DMTF1: variants seen among roughly 807,000 people sequenced by gnomAD.
DMTF1 encodes the protein cyclin-D-binding Myb-like transcription factor 1.
In DMTF1, 39 loss-of-function variants were observed where a neutral mutation model predicts 91.1. That is an observed-to-expected ratio of 0.43 (90% CI 0.33 to 0.56). DMTF1 has a LOEUF of 0.56. DMTF1 is among the 20% of genes least tolerant of loss of function. DMTF1 has a pLI of 0.05. For synonymous variants in DMTF1, 338 were observed against 309.5 expected (o/e 1.09, Z -0.97); for missense variants, 750 against 914.5 (o/e 0.82, Z 2.32).
chr7:87,191,564 A>G (rs74627040), intron 14 of DMTF1, among the ~76,000 whole-genome samples: 3,049 of 152,284 alleles, frequency 0.02, 121 homozygotes, highest in African/African-American at 0.068. Flanking sequence ...TAGCAACAGA[A>G]AAATGGATAA....
At chr7:87,167,521 GCAAAATCA>G (rs1794102574) in intron 4 of DMTF1, among the ~76,000 whole-genome samples, 1 of 152,170 alleles carries the variant, frequency 6.6e-6, no homozygotes, top group Admixed American at 6.6e-5. Flanking sequence ...TCAGCATCAG[GCAAAATCA>G]CATCTTCATC....
rs756931809 is a variant in DMTF1 at position 87,173,686 on chromosome 7, A to G, written c.442+37A>G. 2.2e-6 allele frequency: 3 copies of G among 1,384,988 alleles called. No individual in the cohort carries two copies. In the African/African-American group the frequency reaches 4.3e-5, roughly 20 times the overall value. The allele number at this position is 1,384,988 out of a possible 1,614,324, so 85.8% of individuals were successfully genotyped here. On this transcript the variant is annotated intron_variant, in intron 6 of 17. Coordinates refer to ENST00000331242, the MANE Select transcript of DMTF1 (RefSeq NM_001142327.2). ...CTGTGAATTTTAGTGCCTAGTGAAAAAAAATGGAGATAGAAAGGGCTTATA... is the reference window on the plus strand; with the variant it reads ...CTGTGAATTTTAGTGCCTAGTGAAAGAAAATGGAGATAGAAAGGGCTTATA...
chr7:87,157,187 G>A (rs1301351004), intron 1 of DMTF1, among the ~76,000 whole-genome samples: 1 of 152,122 alleles, frequency 6.6e-6, no homozygotes, highest in East Asian at 1.9e-4. Flanking sequence ...CTGTTTCTCA[G>A]CCTGTGTTTC....
At chr7:87,161,133 CTTAAATA>C (rs1350555994) in intron 1 of DMTF1, among the ~76,000 whole-genome samples, 1 of 152,020 alleles carries the variant, frequency 6.6e-6, no homozygotes, top group Non-Finnish European at 1.5e-5. Context: ...AGGTCAGTTT[CTTAAATA>C]TTAATAAATG....
chr7:87,166,772 C>T (rs549133652), intron 4 of DMTF1, among the ~76,000 whole-genome samples, 167 bp downstream of exon 4: 35 of 152,156 alleles, frequency 2.3e-4, no homozygotes, highest in African/African-American at 7.7e-4. Context: ...CCAGGCATAT[C>T]GTTAAATACT....
intron 1 of DMTF1, among the ~76,000 whole-genome samples, chr7:87,160,109 ACTC>A (rs1791871984): frequency 6.6e-6 from 1 of 152,108 alleles, no homozygotes; most frequent in Non-Finnish European, 1.5e-5. Flanking sequence ...TAAACTTTCT[ACTC>A]TACTATCACA....
At chr7:87,175,805 A>G (rs554834676) in intron 7 of DMTF1, among the ~76,000 whole-genome samples, 2 of 152,334 alleles carry the variant, frequency 1.3e-5, no homozygotes, top group East Asian at 3.9e-4. Flanking sequence ...ACTAAGATAA[A>G]TAGCCTCTGG....
chr7:87,172,820 G>C (rs192585991), intron 5 of DMTF1, among the ~76,000 whole-genome samples: 1 of 152,328 alleles, frequency 6.6e-6, no homozygotes, highest in East Asian at 1.9e-4. Flanking sequence ...TTCCCCTACA[G>C]GGTTTGTTAG....
chr7:87,189,041 C>G (rs1367664664), intron 13 of DMTF1, among the ~76,000 whole-genome samples: 1 of 152,110 alleles, frequency 6.6e-6, no homozygotes, highest in African/African-American at 2.4e-5. Flanking sequence ...TAGTCTCAAC[C>G]AGGTGATTAT....
intron 1 of DMTF1, among the ~76,000 whole-genome samples, chr7:87,161,315 T>C (rs189062338): frequency 6.6e-6 from 1 of 152,292 alleles, no homozygotes; most frequent in South Asian, 2.1e-4. Context: ...CTGGTCAACA[T>C]GGTGAAACCC....
In DMTF1 at chr7:87,195,156, T is replaced by C. The variant is rs772842492; in HGVS notation, c.*16T>C. On this transcript the variant is annotated 3_prime_UTR_variant, in exon 18 of 18. Transcript: ENST00000331242. ...CTGTCATTAGAATAATTCTTAGAAATAGGCAGTTCAAGCAAAGAAGGCACA... is the reference window on the plus strand; with the variant it reads ...CTGTCATTAGAATAATTCTTAGAAACAGGCAGTTCAAGCAAAGAAGGCACA... The C allele has an allele frequency of 1.9e-6, 3 of 1,570,756 alleles. No homozygotes were observed. Among genetic ancestry groups the C allele is most frequent in the African/African-American group, 1.4e-5 (1 of 73,950 alleles).
At chr7:87,191,497 ATC>A (rs1178236466) in intron 14 of DMTF1, among the ~76,000 whole-genome samples, 7 of 152,176 alleles carry the variant, frequency 4.6e-5, no homozygotes, top group African/African-American at 1.7e-4. Context: ...AAATGAAAAT[ATC>A]TGTCCAATAA....
chr7:87,170,411 T>C (rs1331976522), intron 4 of DMTF1, among the ~76,000 whole-genome samples: 1 of 152,220 alleles, frequency 6.6e-6, no homozygotes, highest in Admixed American at 6.5e-5. Flanking sequence ...CAAAACCTTC[T>C]GGCTTACAAG....
intron 14 of DMTF1, 104 bp from the exon 15 acceptor site, chr7:87,193,094 C>A: frequency 8.0e-7 from 1 of 1,246,752 alleles, no homozygotes; most frequent in Non-Finnish European, 1.1e-6. Flanking sequence ...TTCGCACCTT[C>A]ACAATGGGTA....
At chr7:87,177,676 C>T (rs1179586034) in intron 7 of DMTF1, among the ~76,000 whole-genome samples, 1 of 152,128 alleles carries the variant, frequency 6.6e-6, no homozygotes, top group Non-Finnish European at 1.5e-5. Flanking sequence ...CATTCCCCGC[C>T]TCAAGGGCAT....
chr7:87,191,644 T>C (rs1799796601), intron 14 of DMTF1, among the ~76,000 whole-genome samples: 1 of 152,144 alleles, frequency 6.6e-6, no homozygotes, highest in Non-Finnish European at 1.5e-5. Context: ...TTGATGAACC[T>C]TGAAAAATAG....
intron 11 of DMTF1, chr7:87,184,991 A>T: frequency 4.6e-6 from 2 of 433,368 alleles, no homozygotes; most frequent in Admixed American, 2.6e-5. Flanking sequence ...AGGGCTGTTC[A>T]GTCTCCATGC....
chr7:87,175,956 TTC>T (rs1796169436), intron 7 of DMTF1, among the ~76,000 whole-genome samples: 1 of 151,736 alleles, frequency 6.6e-6, no homozygotes, highest in Non-Finnish European at 1.5e-5. Flanking sequence ...AAGGAAATCT[TTC>T]TAGAGACTTG....
At chr7:87,155,899 AG>A (rs1457007192) in intron 1 of DMTF1, among the ~76,000 whole-genome samples, 2 of 152,302 alleles carry the variant, frequency 1.3e-5, no homozygotes, top group East Asian at 3.9e-4. Flanking sequence ...GTACACTGTT[AG>A]GTCATTCTTC....
Sources: allele counts gnomAD v4.1 joint callset (sites outside exome capture counted in the v4.1 genomes callset), GRCh38; gene constraint gnomAD v4.1.1; transcripts MANE v1.5; gene names NCBI Gene and HGNC (gene_info 2026-07-23, HGNC 2026-07-21).